GALNT18: variants seen among roughly 807,000 people sequenced by gnomAD.
GALNT18 encodes GalNAc-transferase 18.
Under a neutral mutation model 69.5 loss-of-function variants are expected in GALNT18, and 44 were observed. The ratio of observed to expected loss-of-function variants is 0.63; its 90% CI spans 0.50 to 0.81. The LOEUF (loss-of-function observed/expected upper bound fraction) is 0.81, where lower values mean the gene tolerates loss of function less well. GALNT18 is among the 40% of genes least tolerant of loss of function. The pLI, the probability that GALNT18 is intolerant of heterozygous loss-of-function variation, is 0.00. For missense variants in GALNT18, 715 were observed against 810.0 expected, an observed-to-expected ratio of 0.88 and a Z score of 1.42; for synonymous variants, 364 against 318.2, an observed-to-expected ratio of 1.14 and a Z score of -1.53.
In GALNT18 at chr11:11,511,596, A is replaced by G. The variant is rs74982346; in HGVS notation, c.236-62660T>C. Among the ~76,000 whole-genome samples the G allele has an allele frequency of 0.013, 2,012 of 152,302 alleles. 37 individuals carry two copies. Among genetic ancestry groups the G allele is most frequent in the African/African-American group, 0.046 (1,909 of 41,554 alleles). On this transcript the variant is annotated intron_variant, in intron 1 of 10. Coordinates refer to ENST00000227756, the MANE Select transcript of GALNT18 (RefSeq NM_198516.3). This position sits in a 1 kb window ranked among gnomAD's most constrained non-coding sequence, Gnocchi z 4.9. ...CATACATGTGCACACTGTGTTATGG[A>G]ATGAAAGCTTCTGTTTCCACTAAAA...
chr11:11,273,224 C>A (rs1376130533), intron 10 of GALNT18, among the ~76,000 whole-genome samples: 6 of 145,996 alleles, frequency 4.1e-5, no homozygotes, highest in African/African-American at 1.5e-4. Context: ...AGTTAAAAAG[C>A]TTCTGCACAG....
chr11:11,373,440 A>C (rs1850960457), intron 5 of GALNT18, among the ~76,000 whole-genome samples: 1 of 152,248 alleles, frequency 6.6e-6, no homozygotes, highest in African/African-American at 2.4e-5. Context: ...CTCAGGTGAC[A>C]GTGGGTTGGA....
intron 3 of GALNT18, among the ~76,000 whole-genome samples, chr11:11,420,561 T>C (rs1854981638): frequency 1.3e-5 from 2 of 152,214 alleles, no homozygotes; most frequent in Admixed American, 1.3e-4. Context: ...AGCATTTGAT[T>C]TGTTGAGTTT....
At chr11:11,321,472 G>A (rs890933819) in intron 9 of GALNT18, among the ~76,000 whole-genome samples, 5 of 152,196 alleles carry the variant, frequency 3.3e-5, no homozygotes, top group African/African-American at 1.2e-4. Flanking sequence ...TTAAGGTGAT[G>A]TTGCAATTGT....
At chr11:11,271,397 C>G (rs921190931) in intron 10 of GALNT18, 107 bp from the exon 11 acceptor site, 4 of 1,192,982 alleles carry the variant, frequency 3.4e-6, no homozygotes, top group Non-Finnish European at 4.9e-6. Flanking sequence ...TCTGTGTGGC[C>G]AGATCCCAGG....
intron 1 of GALNT18, among the ~76,000 whole-genome samples, chr11:11,574,241 G>C (rs796417358): frequency 5.3e-5 from 8 of 152,218 alleles, no homozygotes; most frequent in African/African-American, 1.9e-4. Context: ...CAAAAAACTG[G>C]AACTACACTT....
chr11:11,311,554 A>T (rs1849674578), intron 9 of GALNT18, among the ~76,000 whole-genome samples: 1 of 152,154 alleles, frequency 6.6e-6, no homozygotes, highest in Admixed American at 6.5e-5. Context: ...AGTCAAATGG[A>T]AAGGCAGGTC....
Position 11,500,841 on chromosome 11 carries a change from C to T in GALNT18, c.236-51905G>A, listed in dbSNP as rs534368060. On this transcript the variant is annotated intron_variant, in intron 1 of 10. Coordinates refer to ENST00000227756, the MANE Select transcript of GALNT18 (RefSeq NM_198516.3). This position sits in a 1 kb window ranked among gnomAD's most constrained non-coding sequence, Gnocchi z 5.0. The stretch of plus-strand genomic sequence containing the variant: ...GCCGGGCACAGCACCAGGCTCTCCC[C>T]AAACCTGGGAGTTCCTTTCCTTCCC... 7.2e-5 allele frequency among the ~76,000 whole-genome samples: 11 copies of T among 152,350 alleles called. No individual in the cohort carries two copies. Among genetic ancestry groups the T allele is most frequent in the African/African-American group, 2.4e-4 (10 of 41,584 alleles).
At chr11:11,303,676 G>T (rs1449178630) in intron 9 of GALNT18, among the ~76,000 whole-genome samples, 1 of 152,148 alleles carries the variant, frequency 6.6e-6, no homozygotes, top group Non-Finnish European at 1.5e-5. Flanking sequence ...ACATCTGACA[G>T]GCCACCTTTC....
intron 8 of GALNT18, 120 bp from the exon 9 acceptor site, chr11:11,327,301 G>T (rs1206016110): frequency 2.7e-6 from 2 of 750,754 alleles, no homozygotes; most frequent in African/African-American, 1.7e-5. Flanking sequence ...TCAGCCCAAG[G>T]CCCTTGAACA....
rs1296479181 is a variant in GALNT18, at chr11:11,618,890, C to T, written c.235+2469G>A. The stretch of plus-strand genomic sequence containing the variant: ...AAAGTAAACTGGATTGTTCAAAGGG[C>T]TATGCTGACTAGAGGGAACTTGACA... On this transcript the variant is annotated intron_variant, in intron 1 of 10. Coordinates refer to ENST00000227756, the MANE Select transcript of GALNT18 (RefSeq NM_198516.3). This position sits in a 1 kb window ranked among gnomAD's most constrained non-coding sequence, Gnocchi z 6.1. Among the ~76,000 whole-genome samples, 1 of 152,176 alleles carries T rather than the reference C, an allele frequency of 6.6e-6. No individual in the cohort carries two copies. The highest frequency in any genetic ancestry group is 1.5e-5 in the Non-Finnish European group (1 of 68,028).
chr11:11,437,220 G>A (rs192088063), intron 2 of GALNT18, among the ~76,000 whole-genome samples: 10 of 152,316 alleles, frequency 6.6e-5, no homozygotes, highest in African/African-American at 9.6e-5. Flanking sequence ...GCACGAGACC[G>A]AGCCCATGCT....
At chr11:11,284,500 G>C (rs992821100) in intron 10 of GALNT18, among the ~76,000 whole-genome samples, 3 of 152,132 alleles carry the variant, frequency 2.0e-5, no homozygotes, top group Admixed American at 6.5e-5. Flanking sequence ...TTCAGGAAAG[G>C]GTTGGGCCCA....
chr11:11,602,958 T>C lies in GALNT18; in HGVS notation c.235+18401A>G, dbSNP rs1186063083. 6.6e-6 allele frequency among the ~76,000 whole-genome samples: 1 copy of C among 152,232 alleles called. No homozygotes were observed. Among genetic ancestry groups the C allele is most frequent in the East Asian group, 1.9e-4 (1 of 5,204 alleles). On this transcript the variant is annotated intron_variant, in intron 1 of 10. Transcript: ENST00000227756. The surrounding 1 kb of genome is among the most constrained non-coding windows in gnomAD (Gnocchi z 4.7). ...GAATTTATGATTCATTTACATGGTT[T>C]CTAGGGAAAATAGATCAGAATATTT...
chr11:11,448,091 C>T (rs11021856), intron 2 of GALNT18, among the ~76,000 whole-genome samples: 2,190 of 152,200 alleles, frequency 0.014, 148 homozygotes, highest in Admixed American at 0.12. Flanking sequence ...TAAAAGAACA[C>T]GGCCTCCAAA....
rs1457187558 is a variant in GALNT18 at position 11,604,497 on chromosome 11, A to T, written c.235+16862T>A. Among the ~76,000 whole-genome samples the T allele has an allele frequency of 1.3e-5, 2 of 152,130 alleles. No individual in the cohort carries two copies. The highest frequency in any genetic ancestry group is 2.9e-5 in the Non-Finnish European group (2 of 68,042). The stretch of plus-strand genomic sequence containing the variant: ...AGACACCCAGGCAGCTTCTGGCAAC[A>T]CCAGTAAGAGGCAGCACCAGGATTT... On this transcript the variant is annotated intron_variant, in intron 1 of 10. Transcript: ENST00000227756. This position sits in a 1 kb window ranked among gnomAD's most constrained non-coding sequence, Gnocchi z 5.6.
intron 1 of GALNT18, among the ~76,000 whole-genome samples, chr11:11,565,436 A>G (rs1858622199): frequency 6.6e-6 from 1 of 152,124 alleles, no homozygotes; most frequent in African/African-American, 2.4e-5. Context: ...GCTTTCTTCC[A>G]TCTCTCATTT....
chr11:11,446,832 CTGCACTCCT>C (rs758483884), intron 2 of GALNT18, among the ~76,000 whole-genome samples: 12 of 152,338 alleles, frequency 7.9e-5, no homozygotes, highest in Admixed American at 2.6e-4. Flanking sequence ...AGAGTAAATG[CTGCACTCCT>C]TGCAAAAGCC....
In GALNT18 at chr11:11,314,954, G is replaced by A. The variant is rs115883049; in HGVS notation, c.1512+12132C>T. Among the ~76,000 whole-genome samples the A allele has an allele frequency of 2.0e-3, 312 of 152,242 alleles. 3 individuals carry two copies. Among genetic ancestry groups the A allele is most frequent in the African/African-American group, 7.1e-3 (297 of 41,540 alleles). On this transcript the variant is annotated intron_variant, in intron 9 of 10. Coordinates refer to ENST00000227756, the MANE Select transcript of GALNT18 (RefSeq NM_198516.3). The surrounding 1 kb of genome is among the most constrained non-coding windows in gnomAD (Gnocchi z 5.2). ...ATATCTTTACATGTTTGAGCCAAAT[G>A]AGGATAAGCTGGCAAGGTGGTTTTA...
Sources: allele counts gnomAD v4.1 joint callset (sites outside exome capture counted in the v4.1 genomes callset), GRCh38; gene constraint gnomAD v4.1.1; non-coding constraint Gnocchi (gnomAD v3.1); transcripts MANE v1.5; gene names NCBI Gene and HGNC (gene_info 2026-07-23, HGNC 2026-07-21).